The following SHROOM3 variants were observed in gnomAD, a reference collection of about 807,000 sequenced individuals.
SHROOM3 encodes the protein shroom family member 3.
In SHROOM3, 47 loss-of-function variants were observed where a neutral mutation model predicts 138.6. The observed-to-expected ratio is 0.34, with a 90% CI of 0.27 to 0.43. The LOEUF (loss-of-function observed/expected upper bound fraction) is 0.43. Ranked by LOEUF, SHROOM3 falls within the 20% of genes least tolerant of loss-of-function variation. SHROOM3 has a pLI of 1.00. For missense variants in SHROOM3, 2,491 were observed against 2,596.5 expected, an observed-to-expected ratio of 0.96 and a Z score of 0.88; for synonymous variants, 1,062 against 1,063.3, an observed-to-expected ratio of 1.00 and a Z score of 0.02.
chr4:76,690,926 A>T (rs1480175384), intron 2 of SHROOM3, among the ~76,000 whole-genome samples: 1 of 152,158 alleles, frequency 6.6e-6, no homozygotes, highest in Non-Finnish European at 1.5e-5. Context: ...AAACTTACTT[A>T]AAAAAATGTT....
rs778408175 is a variant in SHROOM3, at chr4:76,741,912, G to A, written c.3739G>A (p.Ala1247Thr). Residue 1247 changes from alanine (A) to threonine (T), a missense_variant, in exon 5 of 11, where the codon GCA becomes ACA. Physicochemically the swap from Ala to Thr is moderately conservative, Grantham distance 58. Around this residue, in one of 4 missense-constraint regions of SHROOM3, gnomAD observed 1,733 missense variants for 1,661.6 expected, o/e 1.04. Transcript: ENST00000296043. The surrounding 1 kb of genome is among the most constrained non-coding windows in gnomAD (Gnocchi z 6.2). ...GAGGTCCAGGTCATCTCCCGCCACC[G>A]CAGACAAGCGCCAGGTACGTGCAAC... Reference protein sequence around the residue: ...HVRSRSSPATADKRQDVLLGQ... With the variant: ...HVRSRSSPATTDKRQDVLLGQ... 6 of 1,612,184 alleles carry A rather than the reference G, an allele frequency of 3.7e-6. No homozygotes were observed. Among genetic ancestry groups the A allele is most frequent in the South Asian group, 1.1e-5 (1 of 90,964 alleles).
At chr4:76,551,949 C>T (rs1733365265) in intron 1 of SHROOM3, among the ~76,000 whole-genome samples, 1 of 150,596 alleles carries the variant, frequency 6.6e-6, no homozygotes, top group Non-Finnish European at 1.5e-5. Context: ...GCAAGCTCTG[C>T]CTCCTGGGTT....
Position 76,681,510 on chromosome 4 carries a change from C to G in SHROOM3, c.324-28646C>G, listed in dbSNP as rs151085771. Among the ~76,000 whole-genome samples, 14 of 151,160 alleles carry G rather than the reference C, an allele frequency of 9.3e-5. 1 individual carries two copies. In the East Asian group the frequency reaches 2.7e-3, roughly 29 times the overall value. ...TTTGAGACCTCATTCAGCTGGGAGA[C>G]AGAAACTTAGTATCAGCCAATTCAG... is the stretch of plus-strand genomic sequence containing the variant. On this transcript the variant is annotated intron_variant, in intron 2 of 10. Coordinates refer to ENST00000296043, the MANE Select transcript of SHROOM3 (RefSeq NM_020859.4).
chr4:76,676,944 C>CAAAAAAAAAAA (rs58270392), intron 2 of SHROOM3, among the ~76,000 whole-genome samples: 2 of 79,046 alleles, frequency 2.5e-5, no homozygotes, highest in African/African-American at 1.1e-4. Flanking sequence ...CTCCGTCTCA[C>CAAAAAAAAAAA]AAAAAAAAAA....
chr4:76,507,106 A>G (rs1732227883), intron 1 of SHROOM3, among the ~76,000 whole-genome samples: 2 of 152,212 alleles, frequency 1.3e-5, no homozygotes, highest in East Asian at 3.8e-4. Flanking sequence ...ATAATTTGCA[A>G]TGATAATGGA....
chr4:76,608,636 CATAG>C (rs1734684678), intron 2 of SHROOM3, among the ~76,000 whole-genome samples: 1 of 15,840 alleles, frequency 6.3e-5, no homozygotes, highest in African/African-American at 9.7e-5. Context: ...TATAGCATAG[CATAG>C]CATAGCATAG....
intron 1 of SHROOM3, among the ~76,000 whole-genome samples, chr4:76,441,025 G>A (rs927734013): frequency 4.0e-5 from 6 of 151,232 alleles, no homozygotes; most frequent in African/African-American, 1.5e-4. Flanking sequence ...CTATGGAGGC[G>A]AGGGGGAGGT....
chr4:76,754,379 G>C lies in SHROOM3; in HGVS notation c.3896G>C (p.Trp1299Ser). The change falls in exon 7 of 11, where the codon TGG becomes TCG. Residue 1299 changes from tryptophan (W) to serine (S), a missense_variant. Coordinates refer to ENST00000296043, the MANE Select transcript of SHROOM3 (RefSeq NM_020859.4). Reference protein sequence around the residue: ...LPLFHHLTPRWGGSGCKAIGD... With the variant: ...LPLFHHLTPRSGGSGCKAIGD... The stretch of plus-strand genomic sequence containing the variant: ...CTCTTCCACCATCTCACCCCTCGTT[G>C]GGGTGGTTCAGGCTGCAAAGCCATT... The C allele has an allele frequency of 1.2e-6, 2 of 1,614,124 alleles. No homozygotes were observed. The highest frequency in any genetic ancestry group is 1.7e-6 in the Non-Finnish European group (2 of 1,180,014).
intron 5 of SHROOM3, among the ~76,000 whole-genome samples, chr4:76,745,651 C>T (rs1721409865): frequency 6.6e-6 from 1 of 152,204 alleles, no homozygotes; most frequent in South Asian, 2.1e-4. Flanking sequence ...CAAATTTTTG[C>T]TGTGTGCCAG....
intron 4 of SHROOM3, among the ~76,000 whole-genome samples, chr4:76,734,581 G>A (rs1179307545): frequency 6.6e-6 from 1 of 151,316 alleles, no homozygotes; most frequent in East Asian, 1.9e-4. Context: ...TGCGATCAAG[G>A]CTAACTCCAA....
At chr4:76,551,050 G>T (rs1014860178) in intron 1 of SHROOM3, among the ~76,000 whole-genome samples, 1 of 151,372 alleles carries the variant, frequency 6.6e-6, no homozygotes, top group East Asian at 2.0e-4. Context: ...CTGTTGCCCA[G>T]ACTGGAATGA....
intron 1 of SHROOM3, among the ~76,000 whole-genome samples, chr4:76,449,344 T>C (rs1730876438): frequency 6.6e-6 from 1 of 152,206 alleles, no homozygotes; most frequent in African/African-American, 2.4e-5. Flanking sequence ...AGTGGATACA[T>C]AACTGTTTTT....
At chr4:76,508,403 T>C (rs1732260390) in intron 1 of SHROOM3, among the ~76,000 whole-genome samples, 1 of 152,228 alleles carries the variant, frequency 6.6e-6, no homozygotes, top group African/African-American at 2.4e-5. Flanking sequence ...AATTCTATTA[T>C]ATTCTATTTA....
chr4:76,689,041 C>G (rs1719419360), intron 2 of SHROOM3: 1 of 685,642 alleles, frequency 1.5e-6, no homozygotes, highest in African/African-American at 2.0e-5. Context: ...ACTGTATAGC[C>G]TCTGAAAAGC....
At chr4:76,468,613 C>T (rs1423041712) in intron 1 of SHROOM3, among the ~76,000 whole-genome samples, 1 of 150,954 alleles carries the variant, frequency 6.6e-6, no homozygotes, top group African/African-American at 2.4e-5. Context: ...AATATATATA[C>T]ATATATCTAA....
chr4:76,510,075 G>A (rs1732300484), intron 1 of SHROOM3, among the ~76,000 whole-genome samples: 1 of 152,104 alleles, frequency 6.6e-6, no homozygotes, highest in Non-Finnish European at 1.5e-5. Context: ...AAATAAGTTT[G>A]CCAATACCAA....
chr4:76,746,800 ATTAT>A (rs1358452791), intron 5 of SHROOM3, among the ~76,000 whole-genome samples: 1 of 135,796 alleles, frequency 7.4e-6, no homozygotes, highest in Non-Finnish European at 1.5e-5. Context: ...TATTATTATT[ATTAT>A]TATTATTATT....
intron 1 of SHROOM3, among the ~76,000 whole-genome samples, chr4:76,479,809 A>G (rs771342806): frequency 1.3e-5 from 2 of 152,214 alleles, no homozygotes; most frequent in Non-Finnish European, 2.9e-5. Flanking sequence ...AAGCCAGAAG[A>G]GAGTGGGAGC....
At chr4:76,480,949 A>G (rs994482689) in intron 1 of SHROOM3, among the ~76,000 whole-genome samples, 15 of 152,222 alleles carry the variant, frequency 9.9e-5, no homozygotes, top group Non-Finnish European at 2.1e-4. Flanking sequence ...ACAAAGATAC[A>G]ATGTACCAGA....
Sources: allele counts gnomAD v4.1 joint callset (sites outside exome capture counted in the v4.1 genomes callset), GRCh38; gene constraint gnomAD v4.1.1; regional missense constraint gnomAD v4.1.1; non-coding constraint Gnocchi (gnomAD v3.1); transcripts MANE v1.5; gene names NCBI Gene and HGNC (gene_info 2026-07-23, HGNC 2026-07-21).